Variants in SORT1 observed in about 807,000 individuals in gnomAD.
The protein encoded by SORT1 is sortilin.
A neutral mutation model predicts 101.7 loss-of-function variants in SORT1; 39 were observed. That is an observed-to-expected ratio of 0.38 (90% confidence interval 0.30 to 0.50). SORT1 has a LOEUF of 0.50. Among genes scored for constraint, SORT1 ranks in the 20% least tolerant of loss-of-function variants. SORT1 has a pLI of 0.90. For missense variants in SORT1, 878 were observed against 1,040.4 expected, an observed-to-expected ratio of 0.84 and a Z score of 2.15; for synonymous variants, 396 against 393.7, an observed-to-expected ratio of 1.01 and a Z score of -0.07.
In SORT1 at chr1:109,379,137, C is replaced by T. The variant is rs114001568; in HGVS notation, c.307-9548G>A. On this transcript the variant is annotated intron_variant, in intron 1 of 19. Coordinates refer to ENST00000256637, the MANE Select transcript of SORT1 (RefSeq NM_002959.7). ...CAGCCTGGGTGACAAAGTGAAACGCCGTCTCAAAAAGAAAAAAAAAAAATA... is the reference window on the plus strand; with the variant it reads ...CAGCCTGGGTGACAAAGTGAAACGCTGTCTCAAAAAGAAAAAAAAAAAATA... 6.3e-3 allele frequency among the ~76,000 whole-genome samples: 935 copies of T among 147,388 alleles called. 8 individuals are homozygous for T. Among genetic ancestry groups the T allele is most frequent in the African/African-American group, 0.022 (908 of 41,020 alleles).
chr1:109,329,369 T>A (rs1345785923), intron 11 of SORT1, among the ~76,000 whole-genome samples: 1 of 152,152 alleles, frequency 6.6e-6, no homozygotes, highest in East Asian at 1.9e-4. Context: ...TTCTCCTGCC[T>A]CAGCCTCCCA....
rs1647266424 is a variant in SORT1 at position 109,317,033 on chromosome 1, G to A, written c.2142-75C>T. 3.1e-6 allele frequency: 3 copies of A among 975,336 alleles called. No individual in the cohort carries two copies. In the Admixed American group the frequency reaches 6.9e-5, roughly 22 times the overall value. 60.4% of individuals were successfully genotyped at this position (975,336 alleles called of 1,614,324 possible). ...GTACCTGCCTATTTCTTGGAAACAAGATTTGAAAAGCTGCCGAAAAGCTTC... is the reference window on the plus strand; with the variant it reads ...GTACCTGCCTATTTCTTGGAAACAAAATTTGAAAAGCTGCCGAAAAGCTTC... On this transcript the variant is annotated intron_variant, in intron 16 of 19. Transcript: ENST00000256637.
At chr1:109,382,952 C>T (rs1346523782) in intron 1 of SORT1, among the ~76,000 whole-genome samples, 3 of 151,970 alleles carry the variant, frequency 2.0e-5, no homozygotes, top group Admixed American at 6.6e-5. Context: ...GTCTGAATAC[C>T]CCCTAGGTTC....
At position 109,345,785 on chromosome 1, in the gene SORT1, C is replaced by T. The variant is rs772754572; in HGVS notation, c.929G>A (p.Gly310Glu). The change falls in exon 8 of 20, where the codon GGA becomes GAA. Residue 310 changes from glycine to glutamate, a missense_variant. Gly to Glu is a moderately conservative substitution (Grantham distance 98). Coordinates refer to ENST00000256637, the MANE Select transcript of SORT1 (RefSeq NM_002959.7). ...CATCACAGAGGCAAAAAGGAAACGT[C>T]CCCCAAGACCAAATGAGTAGATTTT... ...GVKIYSFGLGGRFLFASVMAD... is the reference protein window; with the variant it reads ...GVKIYSFGLGERFLFASVMAD... The T allele has an allele frequency of 1.2e-6, 2 of 1,613,742 alleles. No homozygotes were observed. Among genetic ancestry groups the T allele is most frequent in the African/African-American group, 1.3e-5 (1 of 74,900 alleles).
rs1225441888 is a variant in SORT1 at position 109,312,309 on chromosome 1, C to T, written c.*1734G>A. The T allele has an allele frequency of 6.6e-6, 1 of 152,572 alleles. No individual in the cohort carries two copies. Among genetic ancestry groups the T allele is most frequent in the African/African-American group, 2.4e-5 (1 of 41,420 alleles). 9.5% of individuals were successfully genotyped at this position (152,572 alleles called of 1,614,324 possible). A position where few individuals can be genotyped will look rare whatever the true frequency, so the allele number is the denominator to read the frequency against. ...AAAGACTAGTGCACTCCAGCCCTAA[C>T]CATATTATCTTCACAAAAACTGCCT... On this transcript the variant is annotated 3_prime_UTR_variant, in exon 20 of 20. Transcript: ENST00000256637.
At chr1:109,336,154 A>G (rs72646569) in intron 11 of SORT1, 86 bp downstream of exon 11, 1 of 802,158 alleles carries the variant, frequency 1.2e-6, no homozygotes, top group Middle Eastern at 2.3e-4. Context: ...CTAATCAAGT[A>G]TGAAACTTCA....
intron 13 of SORT1, 138 bp downstream of exon 13, chr1:109,326,854 C>T (rs1328248192): frequency 3.4e-6 from 2 of 587,886 alleles, no homozygotes; most frequent in East Asian, 6.0e-5. Context: ...AAAAGCAATC[C>T]TTTCTAGAAT....
intron 9 of SORT1, 38 bp downstream of exon 9, chr1:109,341,976 T>C: frequency 6.3e-7 from 1 of 1,594,062 alleles, no homozygotes; most frequent in Admixed American, 1.7e-5. Flanking sequence ...AGCTTACATC[T>C]CTATGCTTTT....
chr1:109,366,615 T>C (rs1215050543), intron 3 of SORT1, among the ~76,000 whole-genome samples: 1 of 152,146 alleles, frequency 6.6e-6, no homozygotes, highest in East Asian at 1.9e-4. Flanking sequence ...AGTTGCTAAT[T>C]AGATGCTAAG....
At chr1:109,351,442 G>A (rs1394333546) in intron 5 of SORT1, among the ~76,000 whole-genome samples, 1 of 152,246 alleles carries the variant, frequency 6.6e-6, no homozygotes. Context: ...AGTTTTAAAT[G>A]ATGAGCAGTG....
chr1:109,365,240 T>C (rs777145893), intron 3 of SORT1, among the ~76,000 whole-genome samples: 1 of 152,174 alleles, frequency 6.6e-6, no homozygotes, highest in Non-Finnish European at 1.5e-5. Context: ...TTTTATGTTT[T>C]TGAGAAAGGG....
intron 3 of SORT1, among the ~76,000 whole-genome samples, chr1:109,360,981 G>C (rs1235089700): frequency 1.3e-5 from 2 of 152,198 alleles, no homozygotes; most frequent in Non-Finnish European, 2.9e-5. Context: ...TGGGGTGACT[G>C]ATTGAGTTCT....
intron 14 of SORT1, 90 bp downstream of exon 14, chr1:109,324,809 G>T (rs757961860): frequency 5.8e-6 from 5 of 862,784 alleles, no homozygotes; most frequent in East Asian, 2.6e-5. Context: ...TGCATCTGCT[G>T]ATTCCAGCTA....
At chr1:109,392,492 C>T (rs1408360531) in intron 1 of SORT1, 1 of 433,876 alleles carries the variant, frequency 2.3e-6, no homozygotes, top group African/African-American at 2.1e-5. Context: ...AGAACATAAG[C>T]CTTCTTCCAA....
intron 11 of SORT1, among the ~76,000 whole-genome samples, chr1:109,331,412 A>G (rs1648445639): frequency 6.6e-6 from 1 of 152,154 alleles, no homozygotes; most frequent in African/African-American, 2.4e-5. Flanking sequence ...ACAAATTTCA[A>G]CACCCATTCA....
intron 1 of SORT1, among the ~76,000 whole-genome samples, chr1:109,385,564 C>T (rs1652521334): frequency 6.6e-6 from 1 of 152,170 alleles, no homozygotes; most frequent in African/African-American, 2.4e-5. Context: ...GCTCCAGTTG[C>T]CAGCTGACTG....
chr1:109,380,275 A>G (rs1462006096), intron 1 of SORT1, among the ~76,000 whole-genome samples: 1 of 152,316 alleles, frequency 6.6e-6, no homozygotes, highest in African/African-American at 2.4e-5. Context: ...CCTGGGTGAC[A>G]GAGTGGGACC....
At position 109,313,976 on chromosome 1, in the gene SORT1, G is replaced by C; in HGVS notation, c.*67C>G. The C allele has an allele frequency of 6.7e-7, 1 of 1,493,652 alleles. No individual in the cohort carries two copies. Among genetic ancestry groups the C allele is most frequent in the Non-Finnish European group, 9.3e-7 (1 of 1,077,910 alleles). The allele number at this position is 1,493,652 out of a possible 1,614,324, so 92.5% of individuals were successfully genotyped here. A position where few individuals can be genotyped will look rare whatever the true frequency, so the allele number is the denominator to read the frequency against. Reference sequence around the variant, plus strand: ...ATGGGAAATTTATTTCCTGAAGTTGGAGCCACAGGGAGTGTAAGAGGTACT... The same window carrying C: ...ATGGGAAATTTATTTCCTGAAGTTGCAGCCACAGGGAGTGTAAGAGGTACT... On this transcript the variant is annotated 3_prime_UTR_variant, in exon 20 of 20. Coordinates refer to ENST00000256637, the MANE Select transcript of SORT1 (RefSeq NM_002959.7).
At chr1:109,395,961 G>A (rs1390212516) in intron 1 of SORT1, among the ~76,000 whole-genome samples, 2 of 152,040 alleles carry the variant, frequency 1.3e-5, no homozygotes, top group Non-Finnish European at 2.9e-5. Context: ...GCATGTACCA[G>A]TAGTCCCGGC....
Sources: gnomAD v4.1 joint callset for allele counts (sites outside exome capture counted in the v4.1 genomes callset) on GRCh38, gnomAD v4.1.1 for gene constraint, MANE v1.5 for transcripts, NCBI Gene and HGNC (gene_info 2026-07-23, HGNC 2026-07-21) for gene names.